EVI5: variants seen among roughly 807,000 people sequenced by gnomAD.
EVI5 encodes the protein ecotropic viral integration site 5 protein homolog.
EVI5 carries 73 observed loss-of-function variants against 112.0 expected under a neutral mutation model. The observed-to-expected ratio is 0.65, with a 90% CI of 0.54 to 0.79. EVI5 has a LOEUF of 0.79. Ranked by LOEUF, EVI5 falls within the 30% of genes least tolerant of loss-of-function variation. EVI5 has a pLI of 0.00. For synonymous variants in EVI5, 305 were observed against 319.9 expected, an observed-to-expected ratio of 0.95 and a Z score of 0.50; for missense variants, 900 against 968.8, an observed-to-expected ratio of 0.93 and a Z score of 0.94.
intron 2 of EVI5, among the ~76,000 whole-genome samples, chr1:92,724,185 A>G (rs997741031): frequency 6.6e-6 from 1 of 152,012 alleles, no homozygotes; most frequent in African/African-American, 2.4e-5. Context: ...AATCCCTAAT[A>G]AAAACTTGCT....
At chr1:92,666,203 C>T (rs779814795) in intron 10 of EVI5, among the ~76,000 whole-genome samples, 1 of 151,840 alleles carries the variant, frequency 6.6e-6, no homozygotes, top group African/African-American at 2.4e-5. Context: ...TTTGGGAGGC[C>T]AAGGCCGGCA....
At chr1:92,790,354 T>C (rs1189164072) in intron 1 of EVI5, among the ~76,000 whole-genome samples, 2 of 152,082 alleles carry the variant, frequency 1.3e-5, no homozygotes, top group African/African-American at 4.8e-5. Context: ...CACACTCACA[T>C]AGTTCAAGTG....
Position 92,750,413 on chromosome 1 carries a change from G to A in EVI5, c.-81-13786C>T, listed in dbSNP as rs1045057876. 2.0e-5 allele frequency among the ~76,000 whole-genome samples: 3 copies of A among 152,222 alleles called. No homozygotes were observed. The East Asian group carries it at 5.8e-4, about 29-fold the overall frequency. ...GTCATCTTTCATATAACAAGATAAT[G>A]AATACATGAAAACATAAAAATAAAT... is the stretch of plus-strand genomic sequence containing the variant. On this transcript the variant is annotated intron_variant, in intron 1 of 19. Coordinates refer to ENST00000684568, the MANE Select transcript of EVI5 (RefSeq NM_001350197.2).
chr1:92,532,313 T>TA (rs1459131591), intron 19 of EVI5, among the ~76,000 whole-genome samples: 1 of 152,126 alleles, frequency 6.6e-6, no homozygotes, highest in Non-Finnish European at 1.5e-5. Flanking sequence ...CAAAGAGACT[T>TA]AGACTCCTAC....
chr1:92,594,262 C>T (rs1425636663), intron 18 of EVI5, among the ~76,000 whole-genome samples: 1 of 152,154 alleles, frequency 6.6e-6, no homozygotes, highest in South Asian at 2.1e-4. Context: ...AATAATGCCA[C>T]ATATCTATGA....
intron 19 of EVI5, among the ~76,000 whole-genome samples, chr1:92,535,705 A>C (rs947482968): frequency 6.6e-6 from 1 of 152,144 alleles, no homozygotes; most frequent in African/African-American, 2.4e-5. Flanking sequence ...TGGGAGTTGA[A>C]CAATGAGAAC....
chr1:92,685,868 A>G (rs1668435129), intron 9 of EVI5, among the ~76,000 whole-genome samples: 1 of 152,214 alleles, frequency 6.6e-6, no homozygotes, highest in Non-Finnish European at 1.5e-5. Context: ...ATCCCTGAAT[A>G]GACCAATTAA....
chr1:92,612,710 AAAAAAAAAAAAAAAGG>A (rs993039189), intron 16 of EVI5, among the ~76,000 whole-genome samples: 172 of 14,394 alleles, frequency 0.012, 3 homozygotes, highest in South Asian at 0.012. Context: ...ACTCCATCTC[AAAAAAAAAAAAAAAGG>A]AAAAAAAAAA....
intron 17 of EVI5, among the ~76,000 whole-genome samples, chr1:92,607,168 G>A (rs1650602512): frequency 6.6e-6 from 1 of 151,948 alleles, no homozygotes; most frequent in African/African-American, 2.4e-5. Flanking sequence ...AGTCTATCCA[G>A]AAAACATGTA....
At chr1:92,623,523 C>G (rs1031611445) in intron 16 of EVI5, among the ~76,000 whole-genome samples, 1 of 152,166 alleles carries the variant, frequency 6.6e-6, no homozygotes, top group Non-Finnish European at 1.5e-5. Flanking sequence ...AAGACCTTTG[C>G]AGATCTTAAG....
chr1:92,634,654 C>T (rs1254219001), intron 14 of EVI5, among the ~76,000 whole-genome samples: 2 of 152,076 alleles, frequency 1.3e-5, no homozygotes, highest in East Asian at 1.9e-4. Flanking sequence ...GTAGTTTGGT[C>T]GTCTGAAGCC....
intron 1 of EVI5, among the ~76,000 whole-genome samples, chr1:92,781,009 G>A (rs892534177): frequency 1.3e-5 from 2 of 151,904 alleles, no homozygotes; most frequent in Admixed American, 6.6e-5. Flanking sequence ...CCGCCACCAC[G>A]CCCAGCTAAT....
At position 92,703,609 on chromosome 1, in the gene EVI5, T is replaced by C; in HGVS notation, c.350A>G (p.His117Arg). The change falls in exon 4 of 20, where the codon CAT becomes CGT. Residue 117 changes from histidine (H) to arginine (R), a missense_variant. His to Arg is a conservative substitution (Grantham distance 29, BLOSUM62 0). Transcript: ENST00000684568. ...KKEKQVKELVHKGIPHHFRAI... is the reference protein window; with the variant it reads ...KKEKQVKELVRKGIPHHFRAI... ...TCTAAAGTGATGGGGTATCCCTTTA[T>C]GAACAAGTTCCTAAAAATAAAATAA... 6.4e-7 allele frequency: 1 copy of C among 1,558,790 alleles called. No individual in the cohort carries two copies. The highest frequency in any genetic ancestry group is 8.7e-7 in the Non-Finnish European group (1 of 1,151,342).
chr1:92,578,505 G>C (rs1284544727), intron 18 of EVI5, among the ~76,000 whole-genome samples: 1 of 151,990 alleles, frequency 6.6e-6, no homozygotes, highest in Non-Finnish European at 1.5e-5. Context: ...TACGAGGTCA[G>C]GAGATCGAGA....
chr1:92,569,594 G>A (rs1239951788), intron 18 of EVI5, among the ~76,000 whole-genome samples: 2 of 152,032 alleles, frequency 1.3e-5, no homozygotes, highest in Non-Finnish European at 2.9e-5. Context: ...GGTGGCTCAT[G>A]CCTGAAATCC....
In EVI5 at chr1:92,692,961, C is replaced by T. The variant is rs376196959; in HGVS notation, c.1097+841G>A. 2.0e-4 allele frequency among the ~76,000 whole-genome samples: 31 copies of T among 152,290 alleles called. No homozygotes were observed. The East Asian group carries it at 6.0e-3, about 29-fold the overall frequency. On this transcript the variant is annotated intron_variant, in intron 9 of 19. Transcript: ENST00000684568. Reference sequence around the variant, plus strand: ...CACAGCTATTATTTTAATTAATACACTTAATCTGTTTCAAAAATAAAACTA... The same window carrying T: ...CACAGCTATTATTTTAATTAATACATTTAATCTGTTTCAAAAATAAAACTA...
At chr1:92,545,167 T>C (rs1462637304) in intron 19 of EVI5, among the ~76,000 whole-genome samples, 1 of 152,240 alleles carries the variant, frequency 6.6e-6, no homozygotes, top group Non-Finnish European at 1.5e-5. Flanking sequence ...TGACACTTAG[T>C]AAATTAGTGG....
chr1:92,657,453 T>G (rs1466886357), intron 13 of EVI5, among the ~76,000 whole-genome samples: 2 of 152,034 alleles, frequency 1.3e-5, no homozygotes. Context: ...GCTTGAGCCC[T>G]GGAGTTCAAG....
At chr1:92,690,713 T>C (rs545071704) in intron 9 of EVI5, among the ~76,000 whole-genome samples, 1 of 152,274 alleles carries the variant, frequency 6.6e-6, no homozygotes, top group East Asian at 1.9e-4. Context: ...CTGGATATTC[T>C]TACAATGCCA....
Sources: allele counts gnomAD v4.1 joint callset (sites outside exome capture counted in the v4.1 genomes callset), GRCh38; gene constraint gnomAD v4.1.1; transcripts MANE v1.5; gene names NCBI Gene and HGNC (gene_info 2026-07-23, HGNC 2026-07-21).